The following FCSK variants were observed in gnomAD, a reference collection of about 807,000 sequenced individuals.
FCSK encodes fucose kinase.
A neutral mutation model predicts 122.5 loss-of-function variants in FCSK; 123 were observed. The ratio of observed to expected loss-of-function variants is 1.00; its 90% CI spans 0.87 to 1.17. FCSK has a LOEUF of 1.17. Among genes scored for constraint, FCSK ranks in the 50% most tolerant of loss-of-function variants. FCSK has a pLI of 0.00. For synonymous variants in FCSK, 620 were observed against 625.5 expected, an observed-to-expected ratio of 0.99 and a Z score of 0.13; for missense variants, 1,366 against 1,450.4, an observed-to-expected ratio of 0.94 and a Z score of 0.95.
rs772417266 is a variant in FCSK, at chr16:70,471,372, T to C, written c.1341+20T>C. On this transcript the variant is annotated intron_variant, in intron 13 of 23. Coordinates refer to ENST00000288078, the MANE Select transcript of FCSK (RefSeq NM_145059.3). ...TGGGAGGTAGGCAGTCACCCTGCAT[T>C]CCCTCACCCCCATCTTCAGGCTTTG... 1.9e-6 allele frequency: 3 copies of C among 1,545,644 alleles called. No individual in the cohort carries two copies. In the Admixed American group the frequency reaches 5.6e-5, roughly 29 times the overall value.
chr16:70,474,068 G>A (rs1446974400), intron 15 of FCSK, 61 bp from the exon 16 acceptor site: 22 of 1,480,318 alleles, frequency 1.5e-5, no homozygotes, highest in Middle Eastern at 2.2e-4. Flanking sequence ...GTAGCCTCTC[G>A]TGAAAGAGGA....
At chr16:70,461,851 G>A (rs2048275905) in intron 1 of FCSK, among the ~76,000 whole-genome samples, 1 of 152,182 alleles carries the variant, frequency 6.6e-6, no homozygotes, top group Non-Finnish European at 1.5e-5. Flanking sequence ...TGCTGACCAC[G>A]TGACCCAGCC....
rs2048692098 is a variant in FCSK at position 70,473,275 on chromosome 16, G to T, written c.1699G>T (p.Asp567Tyr). 2.6e-6 allele frequency: 4 copies of T among 1,530,040 alleles called. No individual in the cohort carries two copies. In the East Asian group the frequency reaches 7.4e-5, roughly 28 times the overall value. The allele number at this position is 1,530,040 out of a possible 1,614,324, so 94.8% of individuals were successfully genotyped here. Reference sequence around the variant, plus strand: ...GCGGCACGTGCTGGAGGCCCGGCAGGACCTCAGCCTGCGCCCGCTGATCTG... The same window carrying T: ...GCGGCACGTGCTGGAGGCCCGGCAGTACCTCAGCCTGCGCCCGCTGATCTG... The part of the protein sequence containing the change: ...KARHVLEARQ[D>Y]LSLRPLIWAA... Residue 567 changes from aspartate to tyrosine, a missense_variant, in exon 15 of 24, where the codon GAC becomes TAC. Coordinates refer to ENST00000288078, the MANE Select transcript of FCSK (RefSeq NM_145059.3). The surrounding 1 kb of genome is among the most constrained non-coding windows in gnomAD (Gnocchi z 4.9).
Position 70,469,055 on chromosome 16 carries a change from C to A in FCSK, c.783+87C>A, listed in dbSNP as rs527705246. ...GGCCAGCCACTTCCCCTCTCTGGGG[C>A]AGAGTCTCCGCAGACGGGACTGCCC... On this transcript the variant is annotated intron_variant, in intron 9 of 23. Coordinates refer to ENST00000288078, the MANE Select transcript of FCSK (RefSeq NM_145059.3). 1.6e-4 allele frequency: 253 copies of A among 1,603,862 alleles called. 2 individuals are homozygous for A. The highest frequency in any genetic ancestry group is 1.6e-3 in the South Asian group (142 of 90,874).
In FCSK at chr16:70,470,385, C is replaced by G; in HGVS notation, c.1027C>G (p.Pro343Ala). Residue 343 changes from proline to alanine, a missense_variant, in exon 11 of 24, where the codon CCC becomes GCC. Coordinates refer to ENST00000288078, the MANE Select transcript of FCSK (RefSeq NM_145059.3). ...TGAGTTCCTGCTCAGCCTCACACTC[C>G]CCGGGGCTCCTGGGGCCCAGATTGT... is the stretch of plus-strand genomic sequence containing the variant. ...ASEFLLSLTL[P>A]GAPGAQIVHS... 1 of 1,613,826 alleles carries G rather than the reference C, an allele frequency of 6.2e-7. No individual in the cohort carries two copies. The highest frequency in any genetic ancestry group is 8.5e-7 in the Non-Finnish European group (1 of 1,179,938).
At chr16:70,479,478 G>C in intron 23 of FCSK, 75 bp downstream of exon 23, 1 of 1,499,778 alleles carries the variant, frequency 6.7e-7, no homozygotes, top group Non-Finnish European at 9.1e-7. Flanking sequence ...AGTTAACCAG[G>C]GGCTATATCT....
In FCSK at chr16:70,473,856, G is replaced by A. The variant is rs901887070; in HGVS notation, c.1778-273G>A. ...AGCTGGTGGTGAGGCTGAGACCTGA[G>A]CCCAGGTGGTTTGAGCCCAGAGCCT... On this transcript the variant is annotated intron_variant, in intron 15 of 23. Coordinates refer to ENST00000288078, the MANE Select transcript of FCSK (RefSeq NM_145059.3). This position sits in a 1 kb window ranked among gnomAD's most constrained non-coding sequence, Gnocchi z 4.9. 1.2e-4 allele frequency among the ~76,000 whole-genome samples: 18 copies of A among 152,196 alleles called. No homozygotes were observed. The highest frequency in any genetic ancestry group is 4.1e-4 in the African/African-American group (17 of 41,446).
chr16:70,478,474 C>G lies in FCSK; in HGVS notation c.2829+15C>G. On this transcript the variant is annotated intron_variant, in intron 21 of 23. Coordinates refer to ENST00000288078, the MANE Select transcript of FCSK (RefSeq NM_145059.3). ...ACCTGCTGCAGGTGAGCTCTGGCCC[C>G]AGCATGAGGGAGGCAGGCAGGGGGC... 6.2e-7 allele frequency: 1 copy of G among 1,613,762 alleles called. No homozygotes were observed. Among genetic ancestry groups the G allele is most frequent in the Non-Finnish European group, 8.5e-7 (1 of 1,179,934 alleles).
intron 1 of FCSK, among the ~76,000 whole-genome samples, chr16:70,456,838 G>A (rs2048105921): frequency 6.6e-6 from 1 of 152,106 alleles, no homozygotes; most frequent in Admixed American, 6.6e-5. Flanking sequence ...GGCCAGCATG[G>A]TGAAACCCCG....
Position 70,468,885 on chromosome 16 carries a change from G to C in FCSK, c.700G>C (p.Glu234Gln). Residue 234 changes from glutamate to glutamine, a missense_variant, in exon 9 of 24, where the codon GAG becomes CAG. By Grantham distance (29) the Glu-to-Gln change is conservative (BLOSUM62 2). Coordinates refer to ENST00000288078, the MANE Select transcript of FCSK (RefSeq NM_145059.3). ...TGTCTTCTTCTCTGTGGAGACTGCCGAGCGCCTCCTAGCCACCCACGTGAG... is the reference window on the plus strand; with the variant it reads ...TGTCTTCTTCTCTGTGGAGACTGCCCAGCGCCTCCTAGCCACCCACGTGAG... ...GVVFFSVETA[E>Q]RLLATHVSPP... is the part of the protein sequence containing the mutation. 1 of 1,613,940 alleles carries C rather than the reference G, an allele frequency of 6.2e-7. No homozygotes were observed. The highest frequency in any genetic ancestry group is 8.5e-7 in the Non-Finnish European group (1 of 1,179,996).
In FCSK at chr16:70,465,162, C is replaced by T; in HGVS notation, c.271C>T (p.Leu91Phe). The change falls in exon 4 of 24, where the codon CTC becomes TTC. Residue 91 changes from leucine (L) to phenylalanine (F), a missense_variant. By Grantham distance (22) the Leu-to-Phe change is conservative. Transcript: ENST00000288078. ...CGATGTCCTGCACTCGGCCTGGATC[C>T]TCATTCTGCACATGGTAAATGAACT... ...TSDVLHSAWI[L>F]ILHMGRDFPF... The T allele has an allele frequency of 1.2e-6, 2 of 1,613,118 alleles. No homozygotes were observed. Among genetic ancestry groups the T allele is most frequent in the South Asian group, 1.1e-5 (1 of 90,942 alleles).
At chr16:70,475,870 A>G in intron 20 of FCSK, 103 bp downstream of exon 20, 1 of 1,209,592 alleles carries the variant, frequency 8.3e-7, no homozygotes. Context: ...GCCAACAGCC[A>G]CAAGACTGTG....
chr16:70,467,634 C>G, intron 7 of FCSK, 163 bp downstream of exon 7: 1 of 652,660 alleles, frequency 1.5e-6, no homozygotes, highest in Admixed American at 2.7e-5. Context: ...CCCTTACTCT[C>G]GCCAAAAATA....
At chr16:70,477,775 T>G (rs1485428591) in intron 20 of FCSK, 1 of 159,994 alleles carries the variant, frequency 6.3e-6, no homozygotes, top group Admixed American at 6.0e-5. Context: ...TGGTGCGATC[T>G]CAGCTCACTG....
chr16:70,461,666 C>T (rs371205478), intron 1 of FCSK, among the ~76,000 whole-genome samples: 2 of 150,448 alleles, frequency 1.3e-5, no homozygotes, highest in South Asian at 2.1e-4. Context: ...TCCGGGGAAC[C>T]CCCATCAGCT....
In FCSK at chr16:70,474,299, G is replaced by T. The variant is rs200813651; in HGVS notation, c.1948G>T (p.Val650Leu). 1.2e-6 allele frequency: 2 copies of T among 1,613,532 alleles called. No individual in the cohort carries two copies. Among genetic ancestry groups the T allele is most frequent in the Admixed American group, 1.7e-5 (1 of 59,976 alleles). The change falls in exon 16 of 24, where the codon GTG (valine) becomes TTG (leucine). Residue 650 changes from valine (V) to leucine (L), a missense_variant. Coordinates refer to ENST00000288078, the MANE Select transcript of FCSK (RefSeq NM_145059.3). Reference protein sequence around the residue: ...YLECGDLAAGVEALAQERDKW... With the variant: ...YLECGDLAAGLEALAQERDKW... The stretch of plus-strand genomic sequence containing the variant: ...GGAGTGTGGAGACCTGGCAGCGGGC[G>T]TGGAGGCGCTTGCCCAGGAGAGGGA...
At position 70,468,839 on chromosome 16, in the gene FCSK, T is replaced by G; in HGVS notation, c.664-10T>G. ...CCCTCCATCTCTGATCCTTTTGGGG[T>G]CCCTTCCAGGTCTCTGGGGTTGTCT... On this transcript the variant is annotated splice_polypyrimidine_tract_variant and intron_variant, in intron 8 of 23. Transcript: ENST00000288078. 6.2e-7 allele frequency: 1 copy of G among 1,613,744 alleles called. No individual in the cohort carries two copies. Among genetic ancestry groups the G allele is most frequent in the South Asian group, 1.1e-5 (1 of 91,066 alleles).
chr16:70,463,809 G>A (rs748549974), intron 3 of FCSK, 35 bp downstream of exon 3: 37 of 1,569,838 alleles, frequency 2.4e-5, no homozygotes, highest in Non-Finnish European at 2.9e-5. Flanking sequence ...CCTGGTCTGT[G>A]TCCCTGCTGG....
intron 1 of FCSK, among the ~76,000 whole-genome samples, chr16:70,458,140 T>C (rs560442093): frequency 1.3e-4 from 19 of 151,314 alleles, no homozygotes; most frequent in African/African-American, 4.6e-4. Context: ...TGGCTATTAT[T>C]AATTTTTTTT....
Sources: allele counts gnomAD v4.1 joint callset (sites outside exome capture counted in the v4.1 genomes callset), GRCh38; gene constraint gnomAD v4.1.1; non-coding constraint Gnocchi (gnomAD v3.1); transcripts MANE v1.5; gene names NCBI Gene and HGNC (gene_info 2026-07-23, HGNC 2026-07-21).